PCSK2: variants seen among roughly 807,000 people sequenced by gnomAD.
PCSK2 encodes proprotein convertase subtilisin/kexin type 2.
PCSK2 carries 14 observed loss-of-function variants against 69.7 expected under a neutral mutation model. That is an observed-to-expected ratio of 0.20 (90% CI 0.13 to 0.31). The LOEUF (loss-of-function observed/expected upper bound fraction) is 0.31, where lower values mean the gene tolerates loss of function less well. Among genes scored for constraint, PCSK2 ranks in the 10% least tolerant of loss-of-function variants. The probability of loss-of-function intolerance (pLI) is 1.00; values close to 1 mark genes in which losing one functional copy is unlikely to be tolerated. For missense variants in PCSK2, 544 were observed against 842.5 expected, an observed-to-expected ratio of 0.65 and a Z score of 4.39; for synonymous variants, 307 against 320.7, an observed-to-expected ratio of 0.96 and a Z score of 0.46.
At chr20:17,335,040 G>T (rs1296796779) in intron 2 of PCSK2, among the ~76,000 whole-genome samples, 1 of 152,206 alleles carries the variant, frequency 6.6e-6, no homozygotes, top group African/African-American at 2.4e-5. Flanking sequence ...CAATTATTCA[G>T]TTACTATTGC....
At chr20:17,451,445 G>A (rs2032819140) in intron 8 of PCSK2, among the ~76,000 whole-genome samples, 1 of 152,162 alleles carries the variant, frequency 6.6e-6, no homozygotes, top group Admixed American at 6.5e-5. Context: ...GCTGTCAGCA[G>A]GGGCAGTGAA....
chr20:17,226,663 A>T (rs998410166), upstream of PCSK2, among the ~76,000 whole-genome samples: 31 of 151,820 alleles, frequency 2.0e-4, no homozygotes, highest in African/African-American at 4.8e-5. Context: ...CCCAGAGCCT[A>T]CAGATTCCCA....
At position 17,453,670 on chromosome 20, in the gene PCSK2, G is replaced by C; in HGVS notation, c.886-72G>C. 1 of 1,567,328 alleles carries C rather than the reference G, an allele frequency of 6.4e-7. No homozygotes were observed. The highest frequency in any genetic ancestry group is 1.1e-5 in the South Asian group (1 of 89,276). On this transcript the variant is annotated intron_variant, in intron 8 of 11. Coordinates refer to ENST00000262545, the MANE Select transcript of PCSK2 (RefSeq NM_002594.5). The surrounding 1 kb of genome is among the most constrained non-coding windows in gnomAD (Gnocchi z 4.0). ...AACTGCTGAAGAAGCCCAACCCCTG[G>C]GCTGGAGACCTCCCCTGCCCCCTCG...
chr20:17,262,550 G>A (rs893813626), intron 2 of PCSK2, among the ~76,000 whole-genome samples: 1 of 152,040 alleles, frequency 6.6e-6, no homozygotes, highest in Admixed American at 6.6e-5. Context: ...TGTTCTCGTG[G>A]TTGTCTAATT....
chr20:17,326,247 G>A (rs550587027), intron 2 of PCSK2, among the ~76,000 whole-genome samples: 1 of 152,308 alleles, frequency 6.6e-6, no homozygotes, highest in East Asian at 1.9e-4. Context: ...CAGCCAAATG[G>A]CAATCAAGCC....
intron 2 of PCSK2, among the ~76,000 whole-genome samples, chr20:17,301,243 T>C (rs548411374): frequency 6.6e-6 from 1 of 152,074 alleles, no homozygotes; most frequent in Non-Finnish European, 1.5e-5. Flanking sequence ...ATGCCAAGAG[T>C]TCTGTATCTC....
At chr20:17,297,059 G>A (rs535130622) in intron 2 of PCSK2, among the ~76,000 whole-genome samples, 2 of 152,174 alleles carry the variant, frequency 1.3e-5, no homozygotes, top group Admixed American at 6.5e-5. Context: ...AATTATAATC[G>A]TATAACCTTC....
intron 11 of PCSK2, among the ~76,000 whole-genome samples, chr20:17,466,559 A>G (rs2033104865): frequency 6.6e-6 from 1 of 152,150 alleles, no homozygotes; most frequent in South Asian, 2.1e-4. Context: ...TTCCCTTCCA[A>G]CTGCCCCACC....
chr20:17,298,240 TA>T, intron 2 of PCSK2, among the ~76,000 whole-genome samples: 1 of 152,330 alleles, frequency 6.6e-6, no homozygotes, highest in Non-Finnish European at 1.5e-5. Context: ...TTTTCAATTT[TA>T]ATTGATAGAG....
chr20:17,466,259 G>C (rs1163842269), intron 11 of PCSK2, among the ~76,000 whole-genome samples: 1 of 152,006 alleles, frequency 6.6e-6, no homozygotes, highest in Non-Finnish European at 1.5e-5. Context: ...AGCTTAACTT[G>C]CCTGTTCCAT....
rs1568612522 is a variant in PCSK2, at chr20:17,347,958, AAGAGAAAG to A, written c.283-10367_283-10360del. On this transcript the variant is annotated intron_variant, in intron 2 of 11. Transcript: ENST00000262545. ...AGAGAAAGAAAGAAAGAAAGAAAGA[AAGAGAAAG>A]AAAGAAAGAAAGAAAGAGGAGAGAG... Among the ~76,000 whole-genome samples the A allele has an allele frequency of 4.1e-5, 2 of 48,194 alleles. 1 individual carries two copies. Among genetic ancestry groups the A allele is most frequent in the Admixed American group, 6.3e-4 (2 of 3,158 alleles). The allele number at this position is 48,194 out of a possible 152,430, so 31.6% of individuals were successfully genotyped here. A position where few individuals can be genotyped will look rare whatever the true frequency, so the allele number is the denominator to read the frequency against.
intron 5 of PCSK2, among the ~76,000 whole-genome samples, chr20:17,402,214 C>A (rs2031654101): frequency 6.6e-6 from 1 of 152,164 alleles, no homozygotes; most frequent in Non-Finnish European, 1.5e-5. Flanking sequence ...ATATTTTAAA[C>A]AACTTTGAAA....
intron 2 of PCSK2, among the ~76,000 whole-genome samples, chr20:17,339,618 A>G (rs991370958): frequency 1.4e-4 from 21 of 152,168 alleles, no homozygotes; most frequent in African/African-American, 4.6e-4. Flanking sequence ...AATCTTGCCT[A>G]GAGTGAAGTG....
chr20:17,310,330 G>A (rs1052023919), intron 2 of PCSK2, among the ~76,000 whole-genome samples: 1 of 151,954 alleles, frequency 6.6e-6, no homozygotes, highest in Non-Finnish European at 1.5e-5. Context: ...CTGGAGGTTG[G>A]GTTGCTATCA....
At chr20:17,402,475 G>A (rs2031660239) in intron 5 of PCSK2, among the ~76,000 whole-genome samples, 1 of 150,936 alleles carries the variant, frequency 6.6e-6, no homozygotes, top group Non-Finnish European at 1.5e-5. Context: ...AGACCAGCCT[G>A]GCCTGGCCAA....
At position 17,357,804 on chromosome 20, in the gene PCSK2, G is replaced by A. The variant is rs572467264; in HGVS notation, c.283-523G>A. Among the ~76,000 whole-genome samples the A allele has an allele frequency of 1.1e-4, 17 of 151,250 alleles. No homozygotes were observed. The East Asian group carries it at 3.3e-3, about 30-fold the overall frequency. ...AGCTACTCAGGAGCCTGAGGAAGGAGAATCGCTTGAACCTGGGAGGCCAAG... is the reference window on the plus strand; with the variant it reads ...AGCTACTCAGGAGCCTGAGGAAGGAAAATCGCTTGAACCTGGGAGGCCAAG... On this transcript the variant is annotated intron_variant, in intron 2 of 11. Transcript: ENST00000262545.
rs2269004 is a variant in PCSK2, at chr20:17,427,808, G to A, written c.621-1627G>A. On this transcript the variant is annotated intron_variant, in intron 6 of 11. Transcript: ENST00000262545. ...TGGATTACTGTTGACTGGGGTGTCA[G>A]GCATTACAGGTTATGTGTCTTTCAT... is the stretch of plus-strand genomic sequence containing the variant. 4.5e-3 allele frequency among the ~76,000 whole-genome samples: 680 copies of A among 152,292 alleles called. 17 individuals carry two copies. The highest frequency in any genetic ancestry group is 0.032 in the East Asian group (163 of 5,172).
chr20:17,389,584 C>T (rs541010269), intron 5 of PCSK2, among the ~76,000 whole-genome samples: 1 of 152,260 alleles, frequency 6.6e-6, no homozygotes, highest in East Asian at 1.9e-4. Flanking sequence ...CAGGGACCAT[C>T]GGCTAAGAGA....
At chr20:17,295,264 G>T (rs1988849650) in intron 2 of PCSK2, among the ~76,000 whole-genome samples, 1 of 151,096 alleles carries the variant, frequency 6.6e-6, no homozygotes, top group South Asian at 2.1e-4. Flanking sequence ...AGAGTTTAAT[G>T]CATGCCAGAT....
Sources: allele counts gnomAD v4.1 joint callset (sites outside exome capture counted in the v4.1 genomes callset), GRCh38; gene constraint gnomAD v4.1.1; non-coding constraint Gnocchi (gnomAD v3.1); transcripts MANE v1.5; gene names NCBI Gene and HGNC (gene_info 2026-07-23, HGNC 2026-07-21).